Variants in INVS observed in about 807,000 individuals in gnomAD.
INVS encodes the protein inversin, also known as inversion of embryo turning homolog.
Under a neutral mutation model 108.8 loss-of-function variants are expected in INVS, and 86 were observed. That is an observed-to-expected ratio of 0.79 (90% CI 0.66 to 0.95). INVS has a LOEUF of 0.95. Ranked by LOEUF, INVS falls within the 40% of genes least tolerant of loss-of-function variation. INVS has a pLI of 0.00. For missense variants in INVS, 1,169 were observed against 1,297.4 expected, an observed-to-expected ratio of 0.90 and a Z score of 1.52; for synonymous variants, 455 against 473.5, an observed-to-expected ratio of 0.96 and a Z score of 0.51.
At chr9:100,177,906 TGGAACGAAGCTTCCAGAGGAA>T (rs964513258) in intron 3 of INVS, among the ~76,000 whole-genome samples, 4 of 152,176 alleles carry the variant, frequency 2.6e-5, no homozygotes, top group African/African-American at 9.6e-5. Flanking sequence ...GGTGCCCCTC[TGGAACGAAGCTTCCAGAGGAA>T]GGAACAGGCA....
intron 3 of INVS, among the ~76,000 whole-genome samples, chr9:100,188,398 A>G (rs1346074084): frequency 6.6e-6 from 1 of 152,162 alleles, no homozygotes; most frequent in Non-Finnish European, 1.5e-5. Flanking sequence ...AAGAAATGCT[A>G]GATTTTATTG....
intron 12 of INVS, among the ~76,000 whole-genome samples, chr9:100,281,362 C>G (rs1285523659): frequency 6.6e-6 from 1 of 152,182 alleles, no homozygotes; most frequent in African/African-American, 2.4e-5. Flanking sequence ...ACCTTTTCCC[C>G]AGGGAGAGAC....
rs531294163 is a variant in INVS, at chr9:100,186,336, A to G, written c.274-39726A>G. 1.3e-3 allele frequency among the ~76,000 whole-genome samples: 200 copies of G among 152,178 alleles called. 3 individuals are homozygous for G. Among genetic ancestry groups the G allele is most frequent in the Admixed American group, 0.013 (194 of 15,264 alleles). On this transcript the variant is annotated intron_variant, in intron 3 of 16. Transcript: ENST00000262457. ...GGCTAATTTTTTTTGTATTTTTAGT[A>G]GAGACGGGGTTTCACCATCTTGGCC...
chr9:100,170,594 G>A (rs753007976), intron 3 of INVS, among the ~76,000 whole-genome samples: 1 of 151,814 alleles, frequency 6.6e-6, no homozygotes, highest in Non-Finnish European at 1.5e-5. Context: ...AAAGGAAATG[G>A]TAAGATCAGA....
intron 3 of INVS, among the ~76,000 whole-genome samples, chr9:100,199,658 G>A (rs555986997): frequency 6.6e-6 from 1 of 152,232 alleles, no homozygotes; most frequent in South Asian, 2.1e-4. Flanking sequence ...GTAGCCATCG[G>A]TTCCGATGAG....
intron 3 of INVS, among the ~76,000 whole-genome samples, chr9:100,165,896 G>A (rs2119025234): frequency 6.6e-6 from 1 of 152,158 alleles, no homozygotes; most frequent in East Asian, 1.9e-4. Context: ...CTTTTAGTAG[G>A]AAAAAGTATT....
chr9:100,213,061 G>A (rs1222548214), intron 3 of INVS, among the ~76,000 whole-genome samples: 1 of 152,064 alleles, frequency 6.6e-6, no homozygotes, highest in Non-Finnish European at 1.5e-5. Context: ...CATGACAGAA[G>A]GGAGTGAAAG....
chr9:100,298,013 A>G lies in INVS; in HGVS notation c.3091+3A>G, dbSNP rs140515741. 2 of 1,613,962 alleles carry G rather than the reference A, an allele frequency of 1.2e-6. No individual in the cohort carries two copies. Among genetic ancestry groups the G allele is most frequent in the African/African-American group, 1.3e-5 (1 of 74,940 alleles). On this transcript the variant is annotated splice_donor_region_variant and intron_variant, in intron 16 of 16. Transcript: ENST00000262457. ...TTCTGTGCTGCGTCTCAACTCAGGT[A>G]AGGCAGCCACTGCAAAGCAGATGGT...
At chr9:100,114,857 G>A (rs1588009342) in intron 2 of INVS, among the ~76,000 whole-genome samples, 2 of 152,154 alleles carry the variant, frequency 1.3e-5, no homozygotes, top group South Asian at 2.1e-4. Context: ...AGGACAATTG[G>A]GATGTTTCCA....
chr9:100,115,731 T>G (rs1827495663), intron 2 of INVS, among the ~76,000 whole-genome samples: 1 of 152,238 alleles, frequency 6.6e-6, no homozygotes, highest in African/African-American at 2.4e-5. Flanking sequence ...TCTTTGCTAT[T>G]GTGAGTAGTG....
At chr9:100,299,765 A>G (rs1347490937) in intron 16 of INVS, among the ~76,000 whole-genome samples, 6 of 152,160 alleles carry the variant, frequency 3.9e-5, no homozygotes, top group African/African-American at 1.4e-4. Context: ...GATTATTAGT[A>G]TTGGTACCCC....
chr9:100,119,672 C>T (rs562100175), intron 2 of INVS, among the ~76,000 whole-genome samples: 67 of 152,324 alleles, frequency 4.4e-4, no homozygotes, highest in African/African-American at 1.3e-3. Flanking sequence ...ATTCTCCTGC[C>T]GCAGGCTCCC....
chr9:100,266,553 CCATCT>C (rs1407636702), intron 11 of INVS, among the ~76,000 whole-genome samples: 1 of 152,134 alleles, frequency 6.6e-6, no homozygotes, highest in Non-Finnish European at 1.5e-5. Flanking sequence ...ACTCTCGTCT[CCATCT>C]TGGTTTTGGT....
intron 13 of INVS, among the ~76,000 whole-genome samples, chr9:100,286,782 A>G (rs1025809029): frequency 1.3e-5 from 2 of 152,170 alleles, no homozygotes; most frequent in Non-Finnish European, 2.9e-5. Context: ...TTTAGATATC[A>G]GGGATAATGT....
intron 7 of INVS, among the ~76,000 whole-genome samples, 161 bp from the exon 8 acceptor site, chr9:100,246,455 A>T (rs1375928345): frequency 2.0e-5 from 3 of 152,232 alleles, no homozygotes; most frequent in Non-Finnish European, 1.5e-5. Flanking sequence ...CTTCGATGGA[A>T]ATTGTAGTTC....
At chr9:100,279,787 A>G (rs551009421) in intron 12 of INVS, among the ~76,000 whole-genome samples, 118 of 152,240 alleles carry the variant, frequency 7.8e-4, no homozygotes, top group African/African-American at 2.6e-3. Context: ...CTGAATATTC[A>G]TGGGATGGGA....
intron 3 of INVS, among the ~76,000 whole-genome samples, chr9:100,145,233 G>A (rs1461343392): frequency 6.6e-6 from 1 of 152,040 alleles, no homozygotes; most frequent in Non-Finnish European, 1.5e-5. Context: ...CGGAGGGAAG[G>A]GGTTTGGGGG....
intron 2 of INVS, among the ~76,000 whole-genome samples, chr9:100,124,134 T>C (rs2118887459): frequency 6.6e-6 from 1 of 152,182 alleles, no homozygotes; most frequent in Middle Eastern, 3.4e-3. Flanking sequence ...AATAAATCTC[T>C]TTGTATAGTT....
At chr9:100,274,515 C>CTT (rs202214788) in intron 12 of INVS, among the ~76,000 whole-genome samples, 1 of 151,732 alleles carries the variant, frequency 6.6e-6, no homozygotes, top group South Asian at 2.1e-4. Flanking sequence ...CAGGCAGATT[C>CTT]TTTTTTTTTG....
Sources: gnomAD v4.1 joint callset for allele counts (sites outside exome capture counted in the v4.1 genomes callset) on GRCh38, gnomAD v4.1.1 for gene constraint, MANE v1.5 for transcripts, NCBI Gene and HGNC (gene_info 2026-07-23, HGNC 2026-07-21) for gene names.